Variants in IGF2BP1 observed in about 807,000 individuals in gnomAD.
The protein encoded by IGF2BP1 is insulin like growth factor 2 mRNA binding protein 1.
IGF2BP1 carries 11 observed loss-of-function variants against 74.9 expected under a neutral mutation model. The ratio of observed to expected loss-of-function variants is 0.15; its 90% CI spans 0.09 to 0.24. The LOEUF is 0.24. Ranked by LOEUF, IGF2BP1 falls within the 10% of genes least tolerant of loss-of-function variation. The probability of loss-of-function intolerance (pLI) is 1.00; values close to 1 mark genes in which losing one functional copy is unlikely to be tolerated. For missense variants in IGF2BP1, 440 were observed against 757.4 expected (o/e 0.58, Z 4.92); for synonymous variants, 287 against 281.8 (o/e 1.02, Z -0.18).
chr17:48,999,156 C>A lies in IGF2BP1; in HGVS notation c.223C>A (p.Pro75Thr). ...ACGCTTAGAGATTGAACATTCGGTGCCCAAAAAACAAAGGTAGGAAAGAGC... is the reference window on the plus strand; with the variant it reads ...ACGCTTAGAGATTGAACATTCGGTGACCAAAAAACAAAGGTAGGAAAGAGC... The part of the protein sequence containing the change: ...GKRLEIEHSV[P>T]KKQRSRKIQI... The change falls in exon 2 of 15, where the codon CCC (proline) becomes ACC (threonine). Residue 75 changes from proline (P) to threonine (T), a missense_variant. Pro to Thr is a conservative substitution (Grantham distance 38). This residue lies in a region of IGF2BP1 where 105 missense variants were observed against 199.4 expected (regional missense o/e 0.53). Coordinates refer to ENST00000290341, the MANE Select transcript of IGF2BP1 (RefSeq NM_006546.4). The A allele has an allele frequency of 6.5e-7, 1 of 1,537,392 alleles. No individual in the cohort carries two copies. The highest frequency in any genetic ancestry group is 8.9e-7 in the Non-Finnish European group (1 of 1,123,650).
At chr17:49,012,711 A>AT (rs1447730103) in intron 2 of IGF2BP1, among the ~76,000 whole-genome samples, 1 of 152,176 alleles carries the variant, frequency 6.6e-6, no homozygotes, top group Non-Finnish European at 1.5e-5. Context: ...CTACAGAATC[A>AT]TAATTCATAG....
At chr17:49,008,923 G>A (rs1337280406) in intron 2 of IGF2BP1, among the ~76,000 whole-genome samples, 2 of 151,916 alleles carry the variant, frequency 1.3e-5, no homozygotes, top group East Asian at 3.8e-4. Flanking sequence ...TCTAGTAAGA[G>A]TCTACTATTG....
At chr17:49,042,962 G>A (rs1353487025) in intron 9 of IGF2BP1, among the ~76,000 whole-genome samples, 2 of 152,170 alleles carry the variant, frequency 1.3e-5, no homozygotes, top group Admixed American at 6.5e-5. Flanking sequence ...AGGATTATAA[G>A]CATGAGCCAC....
chr17:49,049,324 C>T (rs1379511345), intron 14 of IGF2BP1, 28 bp from the exon 15 acceptor site: 1 of 1,607,250 alleles, frequency 6.2e-7, no homozygotes, highest in African/African-American at 1.3e-5. Context: ...AGGTCTCACA[C>T]CCACTCTCTT....
At position 49,053,281 on chromosome 17, in the gene IGF2BP1, A is replaced by AAGAC. The variant is rs1178567304; in HGVS notation, c.*3849_*3852dup. The AAGAC allele has an allele frequency of 6.5e-6, 1 of 152,686 alleles. No homozygotes were observed. Among genetic ancestry groups the AAGAC allele is most frequent in the Non-Finnish European group, 1.5e-5 (1 of 68,074 alleles). 9.5% of individuals were successfully genotyped at this position (152,686 alleles called of 1,614,324 possible). A position where few individuals can be genotyped will look rare whatever the true frequency, so the allele number is the denominator to read the frequency against. ...TCTGTGTCCATTTTCCTCTGTGCCA[A>AAGAC]AGACAGACAGACAGAGGCTGAGAGA... On this transcript the variant is annotated 3_prime_UTR_variant, in exon 15 of 15. Coordinates refer to ENST00000290341, the MANE Select transcript of IGF2BP1 (RefSeq NM_006546.4).
At chr17:49,005,515 G>GC (rs2041541182) in intron 2 of IGF2BP1, among the ~76,000 whole-genome samples, 1 of 152,194 alleles carries the variant, frequency 6.6e-6, no homozygotes, top group South Asian at 2.1e-4. Context: ...TGGCTGGAAG[G>GC]CATGTAAGGG....
At chr17:48,999,029 C>G in intron 1 of IGF2BP1, 80 bp from the exon 2 acceptor site, 2 of 833,752 alleles carry the variant, frequency 2.4e-6, no homozygotes, top group South Asian at 2.9e-5. Flanking sequence ...CTGAATTATC[C>G]TAGTGTCTTT....
chr17:49,032,022 G>C, intron 5 of IGF2BP1, 49 bp downstream of exon 5: 3 of 1,480,670 alleles, frequency 2.0e-6, no homozygotes, highest in Non-Finnish European at 1.9e-6. Flanking sequence ...GGGGTTCTGT[G>C]AAGGGTGGTG....
intron 2 of IGF2BP1, among the ~76,000 whole-genome samples, chr17:49,019,459 CTTT>C (rs1387346866): frequency 6.6e-5 from 10 of 152,096 alleles, no homozygotes; most frequent in African/African-American, 2.4e-4. Flanking sequence ...GGAATTACGT[CTTT>C]TTAGTTTTTA....
chr17:48,999,276 C>G, intron 2 of IGF2BP1, 107 bp downstream of exon 2: 1 of 695,452 alleles, frequency 1.4e-6, no homozygotes, highest in Non-Finnish European at 2.5e-6. Flanking sequence ...CATTACTGGT[C>G]TTTCCCACCC....
chr17:49,051,932 C>T lies in IGF2BP1; in HGVS notation c.*2488C>T, dbSNP rs1428197975. On this transcript the variant is annotated 3_prime_UTR_variant, in exon 15 of 15. Transcript: ENST00000290341. The stretch of plus-strand genomic sequence containing the variant: ...GGGCAAACAGATACTAGTTAACTGC[C>T]CCCACCTCTGTCTCCCTGTCTTCTT... 1 of 151,986 alleles carries T rather than the reference C, an allele frequency of 6.6e-6. No individual in the cohort carries two copies. Among genetic ancestry groups the T allele is most frequent in the African/African-American group, 2.4e-5 (1 of 41,360 alleles). 9.4% of individuals were successfully genotyped at this position (151,986 alleles called of 1,614,324 possible). A position where few individuals can be genotyped will look rare whatever the true frequency, so the allele number is the denominator to read the frequency against.
chr17:49,038,567 C>T (rs2042014096), intron 6 of IGF2BP1, 118 bp downstream of exon 6: 13 of 1,103,378 alleles, frequency 1.2e-5, no homozygotes, highest in Non-Finnish European at 1.6e-5. Context: ...GAAATGTTGC[C>T]TGGAGCATTC....
chr17:49,039,628 T>G (rs1015625823), intron 6 of IGF2BP1, among the ~76,000 whole-genome samples: 4 of 151,956 alleles, frequency 2.6e-5, no homozygotes, highest in Admixed American at 6.6e-5. Context: ...GGTTTCACCA[T>G]GCTGGCCAGG....
In IGF2BP1 at chr17:49,042,225, T is replaced by C. The variant is rs1661839522; in HGVS notation, c.942-17T>C. 2 of 1,614,040 alleles carry C rather than the reference T, an allele frequency of 1.2e-6. No individual in the cohort carries two copies. The highest frequency in any genetic ancestry group is 1.3e-5 in the African/African-American group (1 of 74,928). Reference sequence around the variant, plus strand: ...TGGCCTGCCAGTGAAAGGACACAACTCTGCTCTTTCTGCCAGGTTGCAAGA... The same window carrying C: ...TGGCCTGCCAGTGAAAGGACACAACCCTGCTCTTTCTGCCAGGTTGCAAGA... On this transcript the variant is annotated splice_polypyrimidine_tract_variant and intron_variant, in intron 8 of 14. Transcript: ENST00000290341.
intron 5 of IGF2BP1, among the ~76,000 whole-genome samples, chr17:49,032,190 A>T (rs552518866): frequency 2.9e-4 from 44 of 152,298 alleles, no homozygotes; most frequent in African/African-American, 1.0e-3. Flanking sequence ...AAAGGCTCAG[A>T]AACATCAAGA....
At chr17:49,038,490 G>A in intron 6 of IGF2BP1, 41 bp downstream of exon 6, 1 of 1,428,306 alleles carries the variant, frequency 7.0e-7, no homozygotes, top group South Asian at 1.6e-5. Context: ...GGGTGCTAGG[G>A]AACAGTGGTT....
At chr17:49,048,165 A>G (rs1239377867) in intron 14 of IGF2BP1, among the ~76,000 whole-genome samples, 1 of 152,226 alleles carries the variant, frequency 6.6e-6, no homozygotes, top group Non-Finnish European at 1.5e-5. Context: ...GGAAATAATA[A>G]AAGATTGGGT....
chr17:49,026,546 C>G, intron 4 of IGF2BP1, 29 bp downstream of exon 4: 1 of 1,602,550 alleles, frequency 6.2e-7, no homozygotes, highest in Middle Eastern at 1.7e-4. Flanking sequence ...TGGGGTGGCA[C>G]TCGTGGTGGG....
At position 49,022,687 on chromosome 17, in the gene IGF2BP1, A is replaced by G. The variant is rs1412689056; in HGVS notation, c.237-2931A>G. ...CTTTCAGGATATGGATTAACATCCT[A>G]GCAGAGATTTGATTTCACCACTGCC... On this transcript the variant is annotated intron_variant, in intron 2 of 14. Coordinates refer to ENST00000290341, the MANE Select transcript of IGF2BP1 (RefSeq NM_006546.4). Among the ~76,000 whole-genome samples the G allele has an allele frequency of 2.0e-5, 3 of 152,250 alleles. No individual in the cohort carries two copies. The South Asian group carries it at 6.2e-4, about 32-fold the overall frequency.
Sources: allele counts gnomAD v4.1 joint callset (sites outside exome capture counted in the v4.1 genomes callset), GRCh38; gene constraint gnomAD v4.1.1; regional missense constraint gnomAD v4.1.1; transcripts MANE v1.5; gene names NCBI Gene and HGNC (gene_info 2026-07-23, HGNC 2026-07-21).